COL1A1: variants seen among roughly 807,000 people sequenced by gnomAD.
The protein encoded by COL1A1 is collagen alpha-1(I) chain.
Under a neutral mutation model 195.7 loss-of-function variants are expected in COL1A1, and 21 were observed. The observed-to-expected ratio is 0.11, with a 90% CI of 0.08 to 0.15. COL1A1 has a LOEUF of 0.15. Among genes scored for constraint, COL1A1 ranks in the 10% least tolerant of loss-of-function variants. COL1A1 has a pLI of 1.00. For synonymous variants in COL1A1, 749 were observed against 747.3 expected (o/e 1.00, Z -0.04); for missense variants, 1,365 against 2,051.0 (o/e 0.67, Z 6.46).
intron 46 of COL1A1, 105 bp from the exon 47 acceptor site, chr17:50,187,227 C>T: frequency 9.9e-7 from 1 of 1,015,014 alleles, no homozygotes; most frequent in South Asian, 1.4e-5. Flanking sequence ...CCCCACGGCT[C>T]ATAGAGCCAG....
Position 50,185,826 on chromosome 17 carries a change from G to A in COL1A1, c.4200C>T (p.Ala1400=), listed in dbSNP as rs764510425. The A allele has an allele frequency of 6.2e-7, 1 of 1,613,956 alleles. No individual in the cohort carries two copies. Among genetic ancestry groups the A allele is most frequent in the Non-Finnish European group, 8.5e-7 (1 of 1,180,044 alleles). ...LQGSNEIEIR[A]EGNSRFTYSV... ...TGTAGGTGAAGCGGCTGTTGCCCTC[G>A]GCGCGGATCTCGATCTCGTTGGAGC... The change falls in exon 50 of 51, where the codon GCC becomes GCT. Residue 1400 remains alanine (A), a synonymous_variant. Coordinates refer to ENST00000225964, the MANE Select transcript of COL1A1 (RefSeq NM_000088.4).
At position 50,195,426 on chromosome 17, in the gene COL1A1, A is replaced by G; in HGVS notation, c.1200+8T>C. On this transcript the variant is annotated splice_region_variant and intron_variant, in intron 18 of 50. Coordinates refer to ENST00000225964, the MANE Select transcript of COL1A1 (RefSeq NM_000088.4). The surrounding 1 kb of genome is among the most constrained non-coding windows in gnomAD (Gnocchi z 4.3). ...AGGAGTGGGACTGAAGCCTGGCAGG[A>G]TACTTACATTGGCACCTTTAGCACC... The G allele has an allele frequency of 6.2e-7, 1 of 1,614,118 alleles. No individual in the cohort carries two copies. The highest frequency in any genetic ancestry group is 8.5e-7 in the Non-Finnish European group (1 of 1,180,002).
rs1359465375 is a variant in COL1A1, at chr17:50,186,707, C to T, written c.3747G>A (p.Glu1249=). The change falls in exon 48 of 51, where the codon GAG becomes GAA. Residue 1249 remains glutamate, a synonymous_variant. Coordinates refer to ENST00000225964, the MANE Select transcript of COL1A1 (RefSeq NM_000088.4). The surrounding 1 kb of genome is among the most constrained non-coding windows in gnomAD (Gnocchi z 5.3). The part of the protein sequence containing the change: ...SQQIENIRSP[E]GSRKNPARTC... The stretch of plus-strand genomic sequence containing the variant: ...TGCGGGCGGGGTTCTTGCGGCTGCC[C>T]TCTGGGCTCCGGATGTTCTCGATCT... The T allele has an allele frequency of 6.2e-7, 1 of 1,613,642 alleles. No homozygotes were observed. Among genetic ancestry groups the T allele is most frequent in the Non-Finnish European group, 8.5e-7 (1 of 1,180,022 alleles).
In COL1A1 at chr17:50,201,546, C is replaced by G. The variant is rs1908099073; in HGVS notation, c.-33G>C. The G allele has an allele frequency of 6.3e-7, 1 of 1,584,918 alleles. No homozygotes were observed. Among genetic ancestry groups the G allele is most frequent in the African/African-American group, 1.3e-5 (1 of 74,458 alleles). ...CCCTAGACATGTAGACTCTTTGTGGCTGGGGAGGGGGTTAGCGTCCGCTCA... is the reference window on the plus strand; with the variant it reads ...CCCTAGACATGTAGACTCTTTGTGGGTGGGGAGGGGGTTAGCGTCCGCTCA... On this transcript the variant is annotated 5_prime_UTR_variant, in exon 1 of 51. Transcript: ENST00000225964.
In COL1A1 at chr17:50,189,387, T is replaced by A. The variant is rs1339193404; in HGVS notation, c.2819A>T (p.Asp940Val). Residue 940 changes from aspartate to valine, a missense_variant, in exon 39 of 51, where the codon GAT becomes GTT. This residue lies in a region of COL1A1 where 671 missense variants were observed against 1,099.9 expected (regional missense o/e 0.61). Transcript: ENST00000225964. The surrounding 1 kb of genome is among the most constrained non-coding windows in gnomAD (Gnocchi z 5.5). ...TGAGCTGGCACTTACAGCAGGACCA[T>A]CAGCACCAGGGGATCCTTTCTCGCC... is the stretch of plus-strand genomic sequence containing the variant. ...PAGEKGSPGADGPAGAPGTPG... is the reference protein window; with the variant it reads ...PAGEKGSPGAVGPAGAPGTPG... 5 of 1,612,300 alleles carry A rather than the reference T, an allele frequency of 3.1e-6. No individual in the cohort carries two copies. Among genetic ancestry groups the A allele is most frequent in the Non-Finnish European group, 4.2e-6 (5 of 1,179,566 alleles).
chr17:50,200,193 G>A (rs1292395405), intron 1 of COL1A1: 2 of 569,600 alleles, frequency 3.5e-6, no homozygotes, highest in East Asian at 3.0e-5. Context: ...TTAGTCCGCG[G>A]TGGCTTCCAA....
chr17:50,187,209 G>A, intron 46 of COL1A1, 87 bp from the exon 47 acceptor site: 1 of 1,145,108 alleles, frequency 8.7e-7, no homozygotes, highest in Non-Finnish European at 1.3e-6. Flanking sequence ...CCTCCCTGCT[G>A]GCTCTGGCCC....
In COL1A1 at chr17:50,189,172, G is replaced by C; in HGVS notation, c.2933C>G (p.Pro978Arg). The change falls in exon 40 of 51, where the codon CCC becomes CGC. Residue 978 changes from proline to arginine, a missense_variant. Pro to Arg is a moderately radical substitution (Grantham distance 103). Coordinates refer to ENST00000225964, the MANE Select transcript of COL1A1 (RefSeq NM_000088.4). The surrounding 1 kb of genome is among the most constrained non-coding windows in gnomAD (Gnocchi z 5.5). ...CAAGGTGAGGGGGGCACTTACAGAG[G>C]GGCCAGGAAGACCAGGGAAGCCTCT... ...GERGFPGLPG[P>R]SGEPGKQGPS... is the part of the protein sequence containing the mutation. The C allele has an allele frequency of 6.2e-7, 1 of 1,613,824 alleles. No individual in the cohort carries two copies. The highest frequency in any genetic ancestry group is 8.5e-7 in the Non-Finnish European group (1 of 1,179,880).
chr17:50,196,564 C>A (rs1907609276), intron 12 of COL1A1, 36 bp from the exon 13 acceptor site: 1 of 1,614,146 alleles, frequency 6.2e-7, no homozygotes, highest in Non-Finnish European at 8.5e-7. Flanking sequence ...GAAATTCATT[C>A]ATGGTGGGAC....
chr17:50,193,169 C>T, intron 25 of COL1A1, 122 bp from the exon 26 acceptor site: 1 of 996,984 alleles, frequency 1.0e-6, no homozygotes, highest in Non-Finnish European at 1.5e-6. Flanking sequence ...CTGTTTGGCC[C>T]CCGGGGAATG....
chr17:50,190,234 C>T lies in COL1A1; in HGVS notation c.2451+93G>A. ...AACAATCCCGTCTCCACCCTTCTCC[C>T]CTGAGGATGGCTGACGCCTTTGTCC... On this transcript the variant is annotated intron_variant, in intron 35 of 50. Coordinates refer to ENST00000225964, the MANE Select transcript of COL1A1 (RefSeq NM_000088.4). The surrounding 1 kb of genome is among the most constrained non-coding windows in gnomAD (Gnocchi z 4.7). 8 of 1,269,976 alleles carry T rather than the reference C, an allele frequency of 6.3e-6. No homozygotes were observed. In the South Asian group the frequency reaches 9.5e-5, roughly 15 times the overall value. The allele number at this position is 1,269,976 out of a possible 1,614,324, so 78.7% of individuals were successfully genotyped here.
chr17:50,199,668 G>C (rs1458975183), intron 2 of COL1A1, 78 bp from the exon 3 acceptor site: 9 of 1,609,754 alleles, frequency 5.6e-6, no homozygotes, highest in Middle Eastern at 2.0e-4. Flanking sequence ...CAGCACGGAG[G>C]GCCAGCGAGC....
Position 50,187,960 on chromosome 17 carries a change from G to A in COL1A1, c.3285C>T (p.Asp1095=). 2 of 1,614,136 alleles carry A rather than the reference G, an allele frequency of 1.2e-6. No individual in the cohort carries two copies. The highest frequency in any genetic ancestry group is 1.7e-4 in the Middle Eastern group (1 of 6,060). ...GPAGPQGPRG[D]KGETGEQGDR... is the part of the protein sequence containing the mutation. The stretch of plus-strand genomic sequence containing the variant: ...CGCCCTGTTCGCCTGTCTCACCCTT[G>A]TCACCACGGGGGCCTTGGGGTCCCT... Residue 1095 remains aspartate (D), a synonymous_variant, in exon 45 of 51, where the codon GAC becomes GAT. Coordinates refer to ENST00000225964, the MANE Select transcript of COL1A1 (RefSeq NM_000088.4).
chr17:50,200,653 G>A (rs1317959383), intron 1 of COL1A1, among the ~76,000 whole-genome samples: 1 of 152,188 alleles, frequency 6.6e-6, no homozygotes, highest in Admixed American at 6.5e-5. Context: ...CGCGCTAGCG[G>A]CTCCCCAGAC....
rs750241688 is a variant in COL1A1 at position 50,194,017 on chromosome 17, G to A, written c.1693C>T (p.Pro565Ser). 4 of 1,614,022 alleles carry A rather than the reference G, an allele frequency of 2.5e-6. No individual in the cohort carries two copies. The African/African-American group carries it at 5.3e-5, about 22-fold the overall frequency. Reference sequence around the variant, plus strand: ...GCACCAGGTGGGCCTGGGGGTCCGGGGCGACCATCTTGACCGGCGGGACCC... The same window carrying A: ...GCACCAGGTGGGCCTGGGGGTCCGGAGCGACCATCTTGACCGGCGGGACCC... The part of the protein sequence containing the change: ...PPGPAGQDGR[P>S]GPPGPPGARG... Residue 565 changes from proline (P) to serine (S), a missense_variant, in exon 25 of 51, where the codon CCC becomes TCC. Pro to Ser is a moderately conservative substitution (Grantham distance 74). This residue lies in a region of COL1A1 where 671 missense variants were observed against 1,099.9 expected (regional missense o/e 0.61). Coordinates refer to ENST00000225964, the MANE Select transcript of COL1A1 (RefSeq NM_000088.4). The surrounding 1 kb of genome is among the most constrained non-coding windows in gnomAD (Gnocchi z 6.8).
At position 50,188,500 on chromosome 17, in the gene COL1A1, G is replaced by T. The variant is rs775550896; in HGVS notation, c.3207+30C>A. On this transcript the variant is annotated intron_variant, in intron 43 of 50. Transcript: ENST00000225964. The surrounding 1 kb of genome is among the most constrained non-coding windows in gnomAD (Gnocchi z 5.6). ...GCCTGAAGAGTCCCTGGCCTGACCAGGTACAGGGAACTGGAGCCCAGCTAC... is the reference window on the plus strand; with the variant it reads ...GCCTGAAGAGTCCCTGGCCTGACCATGTACAGGGAACTGGAGCCCAGCTAC... The T allele has an allele frequency of 4.4e-6, 7 of 1,596,706 alleles. No homozygotes were observed. The highest frequency in any genetic ancestry group is 6.0e-6 in the Non-Finnish European group (7 of 1,164,408).
intron 1 of COL1A1, among the ~76,000 whole-genome samples, chr17:50,200,620 A>T (rs1440097402): frequency 3.3e-5 from 5 of 152,194 alleles, no homozygotes. Flanking sequence ...CAAATAGTCC[A>T]GAAGTTAGCT....
In COL1A1 at chr17:50,192,109, G is replaced by A. The variant is rs1285835238; in HGVS notation, c.1984-85C>T. 3 of 1,434,252 alleles carry A rather than the reference G, an allele frequency of 2.1e-6. No homozygotes were observed. The East Asian group carries it at 7.1e-5, about 34-fold the overall frequency. The allele number at this position is 1,434,252 out of a possible 1,614,324, so 88.8% of individuals were successfully genotyped here. A position where few individuals can be genotyped will look rare whatever the true frequency, so the allele number is the denominator to read the frequency against. The stretch of plus-strand genomic sequence containing the variant: ...GGAAAGCACGGTCCTTCCTCCTGGG[G>A]TCTGGCCGTGATTAGAGAGGAACCC... On this transcript the variant is annotated intron_variant, in intron 29 of 50. Coordinates refer to ENST00000225964, the MANE Select transcript of COL1A1 (RefSeq NM_000088.4).
At position 50,199,847 on chromosome 17, in the gene COL1A1, C is replaced by T. The variant is rs370310586; in HGVS notation, c.204G>A (p.Val68=). ...CRICVCDNGK[V]LCDDVICDET... is the part of the protein sequence containing the mutation. ...CGTCACAGATCACGTCATCGCACAA[C>T]ACCTTGCCGTTGTCGCAGACGCAGA... Residue 68 remains valine (V), a synonymous_variant, in exon 2 of 51, where the codon GTG becomes GTA. Coordinates refer to ENST00000225964, the MANE Select transcript of COL1A1 (RefSeq NM_000088.4). The T allele has an allele frequency of 1.9e-6, 3 of 1,614,102 alleles. No individual in the cohort carries two copies. The highest frequency in any genetic ancestry group is 2.7e-5 in the African/African-American group (2 of 74,936).
Sources: allele counts gnomAD v4.1 joint callset (sites outside exome capture counted in the v4.1 genomes callset), GRCh38; gene constraint gnomAD v4.1.1; regional missense constraint gnomAD v4.1.1; non-coding constraint Gnocchi (gnomAD v3.1); transcripts MANE v1.5; gene names NCBI Gene and HGNC (gene_info 2026-07-23, HGNC 2026-07-21).